NXPE2: variants seen among roughly 807,000 people sequenced by gnomAD.
The protein encoded by NXPE2 is neurexophilin and PC-esterase domain family member 2.
NXPE2 carries 34 observed loss-of-function variants against 34.4 expected under a neutral mutation model. The observed-to-expected ratio is 0.99, with a 90% CI of 0.75 to 1.31. NXPE2 has a LOEUF of 1.31. NXPE2 is among the 40% of genes most tolerant of loss of function. The probability of loss-of-function intolerance (pLI) is 0.00; values close to 1 mark genes in which losing one functional copy is unlikely to be tolerated. For missense variants in NXPE2, 649 were observed against 672.5 expected (o/e 0.97, Z 0.39); for synonymous variants, 235 against 231.3 (o/e 1.02, Z -0.15).
At chr11:114,758,432 GC>G in the NXPE2 span, among the ~76,000 whole-genome samples, 1 of 152,094 alleles carries the variant, frequency 6.6e-6, no homozygotes, top group Non-Finnish European at 1.5e-5. Context: ...TTTTTCTCGA[GC>G]AAAAAGCAGG....
the NXPE2 span, among the ~76,000 whole-genome samples, chr11:114,574,883 A>G: frequency 3.3e-5 from 5 of 152,178 alleles, no homozygotes; most frequent in Middle Eastern, 3.4e-3. Context: ...GAAGGACACA[A>G]CAAAAAAGAA....
At chr11:114,772,836 T>G in the NXPE2 span, among the ~76,000 whole-genome samples, 13 of 152,150 alleles carry the variant, frequency 8.5e-5, no homozygotes, top group Non-Finnish European at 1.5e-4. Context: ...GAGGCAGGCT[T>G]CAGGCTCATC....
the NXPE2 span, among the ~76,000 whole-genome samples, chr11:114,662,588 C>T: frequency 6.6e-6 from 1 of 152,156 alleles, no homozygotes; most frequent in African/African-American, 2.4e-5. Flanking sequence ...GTGCTGGCAT[C>T]ACCCCTCCCC....
At chr11:114,531,340 C>T in the NXPE2 span, among the ~76,000 whole-genome samples, 4 of 152,124 alleles carry the variant, frequency 2.6e-5, no homozygotes, top group Non-Finnish European at 5.9e-5. Flanking sequence ...ACCTTTTAGT[C>T]ATGCCTAGTA....
At chr11:114,511,580 A>G in the NXPE2 span, among the ~76,000 whole-genome samples, 1 of 152,220 alleles carries the variant, frequency 6.6e-6, no homozygotes, top group Non-Finnish European at 1.5e-5. Flanking sequence ...GCTGAACAAG[A>G]TACATAAGCA....
chr11:114,531,229 A>C, the NXPE2 span, among the ~76,000 whole-genome samples: 6 of 152,176 alleles, frequency 3.9e-5, no homozygotes, highest in African/African-American at 1.4e-4. Flanking sequence ...AGATATATTC[A>C]ATCCAAAATA....
chr11:114,655,781 G>A, the NXPE2 span, among the ~76,000 whole-genome samples: 1 of 152,078 alleles, frequency 6.6e-6, no homozygotes, highest in African/African-American at 2.4e-5. Flanking sequence ...AACAAACTAG[G>A]TATTGATGGA....
chr11:114,770,887 G>T, the NXPE2 span, among the ~76,000 whole-genome samples: 3 of 152,176 alleles, frequency 2.0e-5, no homozygotes, highest in Admixed American at 2.0e-4. Flanking sequence ...GGATCAAATT[G>T]TAACTCTATG....
chr11:114,583,682 A>G, the NXPE2 span: 2 of 581,424 alleles, frequency 3.4e-6, no homozygotes, highest in Admixed American at 1.9e-5. Flanking sequence ...CCATGCAAAG[A>G]AGTTCAAGGC....
the NXPE2 span, among the ~76,000 whole-genome samples, chr11:114,802,029 T>A: frequency 6.6e-6 from 1 of 152,102 alleles, no homozygotes; most frequent in African/African-American, 2.4e-5. Context: ...TGAGACTAGA[T>A]GAGATCACCA....
chr11:114,798,540 T>G, the NXPE2 span, among the ~76,000 whole-genome samples: 1 of 152,122 alleles, frequency 6.6e-6, no homozygotes, highest in Non-Finnish European at 1.5e-5. Flanking sequence ...CATGCCACCA[T>G]GCCTGGCTAA....
At chr11:114,763,281 A>C in the NXPE2 span, among the ~76,000 whole-genome samples, 1 of 152,134 alleles carries the variant, frequency 6.6e-6, no homozygotes, top group Admixed American at 6.5e-5. Context: ...TCACTGATTA[A>C]AGTAAAATTA....
the NXPE2 span, among the ~76,000 whole-genome samples, chr11:114,667,678 G>A: frequency 8.9e-4 from 135 of 152,194 alleles, no homozygotes; most frequent in African/African-American, 3.1e-3. Context: ...GGAAAGTGGC[G>A]AAGAACTGAG....
chr11:114,642,685 C>G, the NXPE2 span, among the ~76,000 whole-genome samples: 9 of 152,132 alleles, frequency 5.9e-5, no homozygotes, highest in Admixed American at 5.9e-4. Flanking sequence ...TGGGTTGGTT[C>G]CAAGTCTTTG....
the NXPE2 span, among the ~76,000 whole-genome samples, chr11:114,653,866 A>T: frequency 1.3e-5 from 2 of 152,072 alleles, no homozygotes; most frequent in Non-Finnish European, 2.9e-5. Flanking sequence ...AGAAAGCTCA[A>T]GATTCCAGCT....
At chr11:114,770,179 C>G in the NXPE2 span, among the ~76,000 whole-genome samples, 3 of 152,184 alleles carry the variant, frequency 2.0e-5, no homozygotes, top group Non-Finnish European at 4.4e-5. Context: ...CATGTTACCC[C>G]TAAACTCTAC....
At chr11:114,551,401 C>G in the NXPE2 span, 1 of 1,338,160 alleles carries the variant, frequency 7.5e-7, no homozygotes. Flanking sequence ...TACTTCTTGT[C>G]GAGGTTTCAC....
chr11:114,524,049 A>G, the NXPE2 span, among the ~76,000 whole-genome samples: 15 of 152,206 alleles, frequency 9.9e-5, no homozygotes, highest in Non-Finnish European at 2.1e-4. Flanking sequence ...TGTTGTGGCT[A>G]TGACATTCTT....
the NXPE2 span, among the ~76,000 whole-genome samples, chr11:114,719,135 A>G: frequency 1.3e-5 from 2 of 152,104 alleles, no homozygotes; most frequent in South Asian, 2.1e-4. Flanking sequence ...ATTAGTTTCA[A>G]TTATATCCTC....
Sources: allele counts gnomAD v4.1 joint callset (sites outside exome capture counted in the v4.1 genomes callset), GRCh38; gene constraint gnomAD v4.1.1; transcripts MANE v1.5; gene names NCBI Gene and HGNC (gene_info 2026-07-23, HGNC 2026-07-21).